The following KCTD1 variants were observed in gnomAD, a reference collection of about 807,000 sequenced individuals.
The protein encoded by KCTD1 is BTB/POZ domain-containing protein KCTD1.
KCTD1 carries 24 observed loss-of-function variants against 66.0 expected under a neutral mutation model. The ratio of observed to expected loss-of-function variants is 0.36; its 90% CI spans 0.26 to 0.51. The LOEUF is 0.51. Ranked by LOEUF, KCTD1 falls within the 20% of genes least tolerant of loss-of-function variation. KCTD1 has a pLI of 0.95. For synonymous variants in KCTD1, 511 were observed against 517.2 expected, an observed-to-expected ratio of 0.99 and a Z score of 0.16; for missense variants, 943 against 1,205.2, an observed-to-expected ratio of 0.78 and a Z score of 3.22.
intron 1 of KCTD1, among the ~76,000 whole-genome samples, chr18:26,536,655 G>C (rs1984722209): frequency 6.6e-6 from 1 of 152,056 alleles, no homozygotes; most frequent in Non-Finnish European, 1.5e-5. Context: ...ACTTGCCCTA[G>C]GTATTCCACT....
chr18:26,636,085 T>C (rs150718982), intron 1 of KCTD1, among the ~76,000 whole-genome samples: 113 of 152,086 alleles, frequency 7.4e-4, no homozygotes, highest in Non-Finnish European at 1.3e-3. Context: ...CTGAGTTCAG[T>C]CCAACAGCAA....
rs1206465155 is a variant in KCTD1, at chr18:26,501,206, AG to A, written c.1853del (p.Pro618LeufsTer5). ...NMSRPLITRS[P>X]ASPLNNQGIP... The stretch of plus-strand genomic sequence containing the variant: ...TGCCTTGGTTGTTCAGTGGAGATGC[AG>A]GGGATCTAGTGATCAGAGGTCTTGA... On this transcript the variant is annotated frameshift_variant, in exon 2 of 5. Transcript: ENST00000580059. LOFTEE classifies it high-confidence loss of function. 1 of 1,614,162 alleles carries A rather than the reference AG, an allele frequency of 6.2e-7. No individual in the cohort carries two copies. The highest frequency in any genetic ancestry group is 1.1e-5 in the South Asian group (1 of 91,078).
intron 1 of KCTD1, chr18:26,543,707 C>T (rs1028263941): frequency 7.9e-5 from 12 of 152,338 alleles, no homozygotes; most frequent in African/African-American, 2.4e-4. Context: ...TAATAGATGT[C>T]CTCTCTACAG....
chr18:26,462,608 C>T (rs906619606), intron 3 of KCTD1, among the ~76,000 whole-genome samples: 5 of 152,200 alleles, frequency 3.3e-5, no homozygotes, highest in Non-Finnish European at 5.9e-5. Flanking sequence ...TTTCTGCACA[C>T]GGTGAAGTGC....
intron 3 of KCTD1, among the ~76,000 whole-genome samples, chr18:26,473,416 AG>A (rs768173626): frequency 8.4e-5 from 12 of 143,310 alleles, no homozygotes; most frequent in Non-Finnish European, 1.3e-4. Context: ...TAGCAGGGAT[AG>A]GGGGAGGGAG....
chr18:26,499,866 C>T (rs79314998), intron 2 of KCTD1, among the ~76,000 whole-genome samples: 1,838 of 152,310 alleles, frequency 0.012, 35 homozygotes, highest in African/African-American at 0.042. Flanking sequence ...TGCCTCCTCC[C>T]CTATCCACCA....
At chr18:26,519,664 T>G (rs573394406) in intron 1 of KCTD1, among the ~76,000 whole-genome samples, 20 of 152,350 alleles carry the variant, frequency 1.3e-4, no homozygotes, top group African/African-American at 4.6e-4. Flanking sequence ...TCCTGTTTCA[T>G]GTACTCGGAC....
chr18:26,499,824 CCT>C (rs373255927), intron 2 of KCTD1, among the ~76,000 whole-genome samples: 4 of 152,192 alleles, frequency 2.6e-5, no homozygotes, highest in African/African-American at 9.7e-5. Flanking sequence ...AGAGAAATGC[CCT>C]GTTTCCCGAC....
chr18:26,557,749 G>A (rs1408080359), intron 1 of KCTD1, among the ~76,000 whole-genome samples: 1 of 152,122 alleles, frequency 6.6e-6, no homozygotes, highest in Non-Finnish European at 1.5e-5. Flanking sequence ...TTGAATGCAA[G>A]TTGTGAAACC....
intron 1 of KCTD1, among the ~76,000 whole-genome samples, chr18:26,534,182 A>C (rs1984581530): frequency 6.6e-6 from 1 of 152,190 alleles, no homozygotes; most frequent in African/African-American, 2.4e-5. Context: ...AAATATACAT[A>C]GAAAATAAAA....
chr18:26,506,552 A>AT (rs770764772), intron 1 of KCTD1, among the ~76,000 whole-genome samples: 9 of 152,084 alleles, frequency 5.9e-5, no homozygotes, highest in South Asian at 4.2e-4. Flanking sequence ...GCAACCACTT[A>AT]TTTTTTTCTC....
chr18:26,548,815 C>T, upstream of KCTD1: 1 of 1,077,094 alleles, frequency 9.3e-7, no homozygotes, highest in South Asian at 4.5e-5. Context: ...GCTCCCACTT[C>T]TAAGAAAACT....
chr18:26,562,991 G>A (rs765718002), intron 1 of KCTD1, among the ~76,000 whole-genome samples: 6 of 152,086 alleles, frequency 3.9e-5, no homozygotes, highest in East Asian at 1.9e-4. Flanking sequence ...AGTTCCGTCC[G>A]CAACACCATC....
At chr18:26,559,062 A>T (rs1985781190) in intron 1 of KCTD1, among the ~76,000 whole-genome samples, 1 of 152,200 alleles carries the variant, frequency 6.6e-6, no homozygotes, top group Non-Finnish European at 1.5e-5. Flanking sequence ...CCATGTTCTC[A>T]CTGGAGATAG....
chr18:26,514,567 AAAAAGAAATGGCAGAGAGATGTTGGAAG>A (rs1983550308), intron 1 of KCTD1, among the ~76,000 whole-genome samples: 1 of 133,862 alleles, frequency 7.5e-6, no homozygotes, highest in African/African-American at 2.9e-5. Context: ...AAAAAAAAAA[AAAAAGAAATGGCAGAGAGATGTTGGAAG>A]GAAGTAGTGT....
chr18:26,515,480 C>T lies in KCTD1; in HGVS notation c.1810-14230G>A, dbSNP rs550232981. Among the ~76,000 whole-genome samples, 5 of 150,908 alleles carry T rather than the reference C, an allele frequency of 3.3e-5. No homozygotes were observed. The East Asian group carries it at 9.7e-4, about 29-fold the overall frequency. On this transcript the variant is annotated intron_variant, in intron 1 of 4. Transcript: ENST00000580059. ...TCTGGTGGCGCCTGACCCACTAGGG[C>T]TTAGACTCTGAAAACAGGCCTCTTT...
At chr18:26,546,460 C>CT (rs1985224636) in intron 1 of KCTD1, among the ~76,000 whole-genome samples, 1 of 152,148 alleles carries the variant, frequency 6.6e-6, no homozygotes, top group South Asian at 2.1e-4. Context: ...TGAGCTAATC[C>CT]TTTTGTTCGG....
chr18:26,556,650 T>C (rs1985713976), intron 1 of KCTD1, among the ~76,000 whole-genome samples: 1 of 152,240 alleles, frequency 6.6e-6, no homozygotes, highest in Non-Finnish European at 1.5e-5. Flanking sequence ...ATGCTTGCTG[T>C]GGGCCTAGGT....
intron 2 of KCTD1, among the ~76,000 whole-genome samples, chr18:26,494,937 G>A (rs1982391964): frequency 6.6e-6 from 1 of 152,090 alleles, no homozygotes; most frequent in Non-Finnish European, 1.5e-5. Flanking sequence ...AACGAAGGTT[G>A]ATTTAGACTC....
Sources: allele counts gnomAD v4.1 joint callset (sites outside exome capture counted in the v4.1 genomes callset), GRCh38; gene constraint gnomAD v4.1.1; transcripts MANE v1.5; gene names NCBI Gene and HGNC (gene_info 2026-07-23, HGNC 2026-07-21).